Variants in ZC3H13 observed in about 807,000 individuals in gnomAD.
ZC3H13 encodes the protein zinc finger CCCH domain-containing protein 13.
In ZC3H13, 64 loss-of-function variants were observed where a neutral mutation model predicts 204.1. The observed-to-expected ratio is 0.31, with a 90% confidence interval of 0.26 to 0.39. The LOEUF is 0.39. Among genes scored for constraint, ZC3H13 ranks in the 10% least tolerant of loss-of-function variants. ZC3H13 has a pLI of 1.00. For synonymous variants in ZC3H13, 667 were observed against 693.7 expected (o/e 0.96, Z 0.60); for missense variants, 1,833 against 2,082.7 (o/e 0.88, Z 2.33).
rs1426729009 is a variant in ZC3H13 at position 45,968,997 on chromosome 13, G to A, written c.3547C>T (p.Pro1183Ser). The change falls in exon 14 of 19, where the codon CCT becomes TCT. Residue 1183 changes from proline (P) to serine (S), a missense_variant. Pro to Ser is a moderately conservative substitution (Grantham distance 74). This residue lies in a region of ZC3H13 where 1,574 missense variants were observed against 1,757.2 expected (regional missense o/e 0.90). Coordinates refer to ENST00000679008, the MANE Select transcript of ZC3H13 (RefSeq NM_001330564.2). The stretch of plus-strand genomic sequence containing the variant: ...CTGCTGCTCCTCTTTTGATCCATAG[G>A]CTTGCGATGCTGTGCATCTTCTATA... ...VTIEDAQHRKPMDQKRSSSLG... is the reference protein window; with the variant it reads ...VTIEDAQHRKSMDQKRSSSLG... The A allele has an allele frequency of 2.5e-6, 4 of 1,614,198 alleles. No homozygotes were observed. The highest frequency in any genetic ancestry group is 1.1e-5 in the South Asian group (1 of 91,086).
chr13:46,049,469 G>A (rs577318397), intron 1 of ZC3H13, among the ~76,000 whole-genome samples: 1 of 152,108 alleles, frequency 6.6e-6, no homozygotes, highest in South Asian at 2.1e-4. Context: ...ACAATAAAAT[G>A]TTACTTAAAT....
chr13:45,966,121 C>T (rs1952062880), intron 15 of ZC3H13, among the ~76,000 whole-genome samples: 1 of 152,094 alleles, frequency 6.6e-6, no homozygotes, highest in Non-Finnish European at 1.5e-5. Context: ...ACCACCTATG[C>T]TAAACTTTGT....
chr13:45,968,271 TAA>T (rs565496035), intron 14 of ZC3H13, among the ~76,000 whole-genome samples: 1 of 148,588 alleles, frequency 6.7e-6, no homozygotes, highest in Non-Finnish European at 1.5e-5. Context: ...TTCTAATAAA[TAA>T]AAAAAAAAGT....
chr13:45,998,802 T>C (rs6561278), intron 8 of ZC3H13, among the ~76,000 whole-genome samples: 114,084 of 152,142 alleles, frequency 0.75, 43,265 homozygotes, highest in African/African-American at 0.85. Flanking sequence ...AGGATGAAGG[T>C]TGCAAAAGGC....
chr13:45,978,403 G>A (rs908608731), intron 11 of ZC3H13, among the ~76,000 whole-genome samples: 6 of 151,936 alleles, frequency 3.9e-5, no homozygotes, highest in Admixed American at 1.3e-4. Flanking sequence ...AGTAGTTACA[G>A]TAAAATTAAA....
At position 46,010,176 on chromosome 13, in the gene ZC3H13, T is replaced by G. The variant is rs113686189; in HGVS notation, c.746+172A>C. 38 of 567,648 alleles carry G rather than the reference T, an allele frequency of 6.7e-5. 2 individuals carry two copies. The highest frequency in any genetic ancestry group is 5.3e-4 in the African/African-American group (28 of 52,616). The allele number at this position is 567,648 out of a possible 1,614,324, so 35.2% of individuals were successfully genotyped here. The stretch of plus-strand genomic sequence containing the variant: ...GGATGTTACACAGATGTTTGTTTTA[T>G]TGTTCTCTATAATTGTCTTTTTAAT... On this transcript the variant is annotated intron_variant, in intron 7 of 18. Coordinates refer to ENST00000679008, the MANE Select transcript of ZC3H13 (RefSeq NM_001330564.2).
chr13:46,008,079 A>C (rs1023875666), intron 7 of ZC3H13, among the ~76,000 whole-genome samples: 6 of 152,168 alleles, frequency 3.9e-5, no homozygotes, highest in Admixed American at 2.0e-4. Flanking sequence ...TTAATTTGTC[A>C]GTAATTATAT....
intron 1 of ZC3H13, among the ~76,000 whole-genome samples, chr13:46,046,655 G>C (rs1017773282): frequency 2.3e-5 from 3 of 132,322 alleles, no homozygotes; most frequent in Admixed American, 7.9e-5. Context: ...GCGACAAAGC[G>C]AGACTCCATC....
intron 4 of ZC3H13, among the ~76,000 whole-genome samples, chr13:46,028,992 G>C (rs1361496101): frequency 6.6e-6 from 1 of 151,908 alleles, no homozygotes; most frequent in Non-Finnish European, 1.5e-5. Flanking sequence ...ATTCAATAGA[G>C]AAAAATTAGC....
chr13:46,031,394 T>C (rs2042888885), intron 4 of ZC3H13, among the ~76,000 whole-genome samples: 1 of 151,998 alleles, frequency 6.6e-6, no homozygotes. Flanking sequence ...CAATGACATC[T>C]TAGACACATC....
At chr13:46,046,486 GTCT>G in intron 1 of ZC3H13, among the ~76,000 whole-genome samples, 2 of 9,060 alleles carry the variant, frequency 2.2e-4, no homozygotes, top group African/African-American at 2.0e-3. Flanking sequence ...GCAAAACTCC[GTCT>G]CTACTAAAAA....
In ZC3H13 at chr13:45,967,985, T is replaced by A; in HGVS notation, c.3840A>T (p.Pro1280=). The part of the protein sequence containing the change: ...SRSHSSRRSS[P]ESDRQVHSRS... The stretch of plus-strand genomic sequence containing the variant: ...TTGAATGGACCTGTCGATCTGACTC[T>A]GGAGAACTTCTTCTTGAACTATGGC... The change falls in exon 15 of 19, where the codon CCA becomes CCT. Residue 1280 remains proline, a synonymous_variant. Coordinates refer to ENST00000679008, the MANE Select transcript of ZC3H13 (RefSeq NM_001330564.2). The A allele has an allele frequency of 6.2e-7, 1 of 1,611,544 alleles. No homozygotes were observed. Among genetic ancestry groups the A allele is most frequent in the Non-Finnish European group, 8.5e-7 (1 of 1,179,108 alleles).
intron 8 of ZC3H13, among the ~76,000 whole-genome samples, chr13:45,993,637 A>G (rs1262937106): frequency 6.6e-6 from 1 of 152,250 alleles, no homozygotes; most frequent in Non-Finnish European, 1.5e-5. Context: ...GTTAAGTGCC[A>G]TTTAAAATAT....
At chr13:46,006,920 A>G (rs1425446107) in intron 7 of ZC3H13, among the ~76,000 whole-genome samples, 1 of 151,506 alleles carries the variant, frequency 6.6e-6, no homozygotes, top group Non-Finnish European at 1.5e-5. Context: ...GCCAACAACT[A>G]TATTAGCCAC....
At position 46,003,215 on chromosome 13, in the gene ZC3H13, T is replaced by G. The variant is rs767642794; in HGVS notation, c.868A>C (p.Ile290Leu). ...TTTCCATCTCTTGTTTTTTCTTCTA[T>G]CCTGTCTTTTACTTTATATTTTTCT... is the stretch of plus-strand genomic sequence containing the variant. Reference protein sequence around the residue: ...YKEKYKVKDRIEEKTRDGKDR... With the variant: ...YKEKYKVKDRLEEKTRDGKDR... The change falls in exon 8 of 19, where the codon ATA becomes CTA. Residue 290 changes from isoleucine (I) to leucine (L), a missense_variant. Physicochemically the swap from Ile to Leu is conservative, Grantham distance 5 (BLOSUM62 2). Coordinates refer to ENST00000679008, the MANE Select transcript of ZC3H13 (RefSeq NM_001330564.2). The G allele has an allele frequency of 1.2e-6, 2 of 1,613,358 alleles. No individual in the cohort carries two copies. Among genetic ancestry groups the G allele is most frequent in the East Asian group, 4.5e-5 (2 of 44,824 alleles).
intron 11 of ZC3H13, among the ~76,000 whole-genome samples, chr13:45,978,242 C>T (rs190425683): frequency 6.5e-4 from 99 of 152,104 alleles, no homozygotes; most frequent in Non-Finnish European, 7.4e-5. Flanking sequence ...GAGTTCTTCC[C>T]TCTCCCCATT....
At chr13:45,959,391 CA>C (rs1951515339) in intron 18 of ZC3H13, 91 bp downstream of exon 18, 2 of 1,280,606 alleles carry the variant, frequency 1.6e-6, no homozygotes, top group Non-Finnish European at 2.0e-6. Context: ...CTCATAAAAA[CA>C]TAAGATTGCA....
At position 45,980,705 on chromosome 13, in the gene ZC3H13, C is replaced by T. The variant is rs71431395; in HGVS notation, c.1721-701G>A. On this transcript the variant is annotated intron_variant, in intron 10 of 18. Transcript: ENST00000679008. ...ATATAGCATTATTCCATTTACGAGA[C>T]AATTACAAAACAAGGGACACATAAG... 8.3e-3 allele frequency among the ~76,000 whole-genome samples: 1,260 copies of T among 152,176 alleles called. 17 individuals are homozygous for T. Among genetic ancestry groups the T allele is most frequent in the Non-Finnish European group, 0.011 (744 of 68,010 alleles).
rs796144879 is a variant in ZC3H13, at chr13:45,962,581, G to A, written c.4675+1261C>T. On this transcript the variant is annotated intron_variant, in intron 17 of 18. Coordinates refer to ENST00000679008, the MANE Select transcript of ZC3H13 (RefSeq NM_001330564.2). ...TTGGGTCATTTTTCGGTTAATACAC[G>A]TTAACAATTATATGTATTTTGTACA... The A allele has an allele frequency of 4.7e-5, 46 of 984,872 alleles. 1 individual carries two copies. Among genetic ancestry groups the A allele is most frequent in the Admixed American group, 1.8e-4 (3 of 16,250 alleles). 61.0% of individuals were successfully genotyped at this position (984,872 alleles called of 1,614,324 possible). A position where few individuals can be genotyped will look rare whatever the true frequency, so the allele number is the denominator to read the frequency against.
Sources: allele counts gnomAD v4.1 joint callset (sites outside exome capture counted in the v4.1 genomes callset), GRCh38; gene constraint gnomAD v4.1.1; regional missense constraint gnomAD v4.1.1; transcripts MANE v1.5; gene names NCBI Gene and HGNC (gene_info 2026-07-23, HGNC 2026-07-21).